Variants in GABRA6 observed in about 807,000 individuals in gnomAD.
GABRA6 encodes the protein gamma-aminobutyric acid receptor subunit alpha-6.
GABRA6 carries 45 observed loss-of-function variants against 47.3 expected under a neutral mutation model. That is an observed-to-expected ratio of 0.95 (90% CI 0.75 to 1.22). GABRA6 has a LOEUF of 1.22. Among genes scored for constraint, GABRA6 ranks in the 50% most tolerant of loss-of-function variants. The pLI is 0.00. For missense variants in GABRA6, 583 were observed against 549.3 expected (o/e 1.06, Z -0.61); for synonymous variants, 219 against 194.7 (o/e 1.12, Z -1.04).
At position 161,686,327 on chromosome 5, in the gene GABRA6, C is replaced by T. The variant is rs373363000; in HGVS notation, c.136C>T (p.Arg46Trp). The T allele has an allele frequency of 1.2e-4, 186 of 1,613,610 alleles. No homozygotes were observed. Among genetic ancestry groups the T allele is most frequent in the East Asian group, 1.1e-3 (49 of 44,862 alleles). ...LDNLLEGYDNRLRPGFGGAVT... is the reference protein window; with the variant it reads ...LDNLLEGYDNWLRPGFGGAVT... The stretch of plus-strand genomic sequence containing the variant: ...CAACTTGCTTGAAGGCTATGACAAT[C>T]GGCTGCGGCCGGGATTTGGAGGTAA... The change falls in exon 2 of 9, where the codon CGG becomes TGG. Residue 46 changes from arginine to tryptophan, a missense_variant. Transcript: ENST00000274545.
In GABRA6 at chr5:161,701,587, G is replaced by A. The variant is rs746727494; in HGVS notation, c.1176G>A (p.Thr392=). The A allele has an allele frequency of 4.3e-6, 7 of 1,614,074 alleles. No individual in the cohort carries two copies. Among genetic ancestry groups the A allele is most frequent in the Non-Finnish European group, 5.1e-6 (6 of 1,180,020 alleles). Residue 392 remains threonine (T), a synonymous_variant, in exon 9 of 9, where the codon ACG becomes ACA. Transcript: ENST00000274545. ...VSSSEANKVL[T]RAPILQSTPV... is the part of the protein sequence containing the mutation. ...CTTCCGAGGCCAATAAAGTGCTCAC[G>A]AGAGCGCCCATCTTACAATCAACAC...
In GABRA6 at chr5:161,692,207, G is replaced by A; in HGVS notation, c.1086+7G>A. On this transcript the variant is annotated splice_region_variant and intron_variant, in intron 8 of 8. Transcript: ENST00000274545. The stretch of plus-strand genomic sequence containing the variant: ...GGAAGCTGAGATTGTTTTGGTAATT[G>A]TTTACTTTTTCTATCATTACCTACC... 1 of 1,614,122 alleles carries A rather than the reference G, an allele frequency of 6.2e-7. No individual in the cohort carries two copies. The highest frequency in any genetic ancestry group is 8.5e-7 in the Non-Finnish European group (1 of 1,179,996).
At chr5:161,693,752 A>T (rs1049318055) in intron 8 of GABRA6, among the ~76,000 whole-genome samples, 2 of 152,176 alleles carry the variant, frequency 1.3e-5, no homozygotes, top group Non-Finnish European at 2.9e-5. Flanking sequence ...CAGGATTTTG[A>T]AGTTACAGTG....
chr5:161,690,763 A>AT (rs1754775916), intron 7 of GABRA6, among the ~76,000 whole-genome samples: 2 of 152,154 alleles, frequency 1.3e-5, no homozygotes, highest in Non-Finnish European at 2.9e-5. Context: ...CATTTCGTCA[A>AT]TTTTTTATGA....
chr5:161,701,578 A>G lies in GABRA6; in HGVS notation c.1167A>G (p.Lys389=). ...LPIVSSSEAN[K]VLTRAPILQS... ...TAGTTTCATCTTCCGAGGCCAATAAAGTGCTCACGAGAGCGCCCATCTTAC... is the reference window on the plus strand; with the variant it reads ...TAGTTTCATCTTCCGAGGCCAATAAGGTGCTCACGAGAGCGCCCATCTTAC... The change falls in exon 9 of 9, where the codon AAA becomes AAG. Residue 389 remains lysine, a synonymous_variant. Coordinates refer to ENST00000274545, the MANE Select transcript of GABRA6 (RefSeq NM_000811.3). The G allele has an allele frequency of 6.2e-7, 1 of 1,614,164 alleles. No individual in the cohort carries two copies. The highest frequency in any genetic ancestry group is 1.1e-5 in the South Asian group (1 of 91,082).
rs756131944 is a variant in GABRA6, at chr5:161,702,431, T to G, written c.*658T>G. Reference sequence around the variant, plus strand: ...TTGGACTAAAATTCAGTGTGTTTTATCCTACTAAATTCTCCTTTTAAAATA... The same window carrying G: ...TTGGACTAAAATTCAGTGTGTTTTAGCCTACTAAATTCTCCTTTTAAAATA... On this transcript the variant is annotated 3_prime_UTR_variant, in exon 9 of 9. Transcript: ENST00000274545. 1 of 152,334 alleles carries G rather than the reference T, an allele frequency of 6.6e-6. No homozygotes were observed. The allele number at this position is 152,334 out of a possible 1,614,324, so 9.4% of individuals were successfully genotyped here.
chr5:161,696,852 C>G (rs529891865), intron 8 of GABRA6, among the ~76,000 whole-genome samples: 3 of 152,106 alleles, frequency 2.0e-5, no homozygotes, highest in Admixed American at 6.6e-5. Flanking sequence ...AAAATATTTT[C>G]TCTCATCTGT....
chr5:161,700,857 A>G (rs1754966655), intron 8 of GABRA6, among the ~76,000 whole-genome samples: 1 of 152,224 alleles, frequency 6.6e-6, no homozygotes, highest in Non-Finnish European at 1.5e-5. Flanking sequence ...CTGAGCTAAG[A>G]GGCAGCTATA....
At chr5:161,698,374 G>A (rs1253269503) in intron 8 of GABRA6, among the ~76,000 whole-genome samples, 2 of 152,148 alleles carry the variant, frequency 1.3e-5, no homozygotes, top group African/African-American at 4.8e-5. Flanking sequence ...GGTAGCAAAA[G>A]ATATGAGGGA....
At position 161,692,133 on chromosome 5, in the gene GABRA6, A is replaced by C. The variant is rs766023505; in HGVS notation, c.1019A>C (p.Gln340Pro). 1 of 1,614,204 alleles carries C rather than the reference A, an allele frequency of 6.2e-7. No homozygotes were observed. Among genetic ancestry groups the C allele is most frequent in the South Asian group, 1.1e-5 (1 of 91,086 alleles). The change falls in exon 8 of 9, where the codon CAG becomes CCG. Residue 340 changes from glutamine (Q) to proline (P), a missense_variant. Gln to Pro is a moderately conservative substitution (Grantham distance 76). Transcript: ENST00000274545. Reference sequence around the variant, plus strand: ...ACACAGAAGGCCAAAAGGAAGGCACAGTTTGCAGCCCCACCCACAGTGACA... The same window carrying C: ...ACACAGAAGGCCAAAAGGAAGGCACCGTTTGCAGCCCCACCCACAGTGACA... ...LQTQKAKRKA[Q>P]FAAPPTVTIS...
chr5:161,696,492 G>A (rs1754888726), intron 8 of GABRA6, among the ~76,000 whole-genome samples: 2 of 151,834 alleles, frequency 1.3e-5, no homozygotes, highest in South Asian at 4.1e-4. Context: ...AGATCACAGT[G>A]CCCTTCTTGG....
chr5:161,701,956 A>G lies in GABRA6; in HGVS notation c.*183A>G. On this transcript the variant is annotated 3_prime_UTR_variant, in exon 9 of 9. Coordinates refer to ENST00000274545, the MANE Select transcript of GABRA6 (RefSeq NM_000811.3). ...GCAATAATCCTACTCCTCAAAATAG[A>G]AAGTTGAAGATTGCTGAAAAATATG... The G allele has an allele frequency of 3.2e-6, 2 of 632,420 alleles. No homozygotes were observed. The highest frequency in any genetic ancestry group is 5.4e-6 in the Non-Finnish European group (2 of 368,210). The allele number at this position is 632,420 out of a possible 1,614,324, so 39.2% of individuals were successfully genotyped here.
In GABRA6 at chr5:161,692,074, G is replaced by T; in HGVS notation, c.960G>T (p.Glu320Asp). The T allele has an allele frequency of 1.2e-6, 2 of 1,614,140 alleles. No homozygotes were observed. Among genetic ancestry groups the T allele is most frequent in the Non-Finnish European group, 1.7e-6 (2 of 1,180,018 alleles). Residue 320 changes from glutamate to aspartate, a missense_variant, in exon 8 of 9, where the codon GAG becomes GAT. Transcript: ENST00000274545. Reference protein sequence around the residue: ...CFAFVFSALIEFAAVNYFTNL... With the variant: ...CFAFVFSALIDFAAVNYFTNL... ...CATTCGTCTTCTCTGCGCTTATCGA[G>T]TTCGCAGCTGTCAACTACTTTACCA...
chr5:161,686,858 G>A (rs1488504607), intron 2 of GABRA6, 78 bp from the exon 3 acceptor site: 1 of 1,222,656 alleles, frequency 8.2e-7, no homozygotes, highest in Non-Finnish European at 1.2e-6. Flanking sequence ...TAAGTAAGGG[G>A]TTTGGTGGTA....
chr5:161,686,887 C>T, intron 2 of GABRA6, 49 bp from the exon 3 acceptor site: 1 of 1,509,520 alleles, frequency 6.6e-7, no homozygotes, highest in Middle Eastern at 1.7e-4. Flanking sequence ...AGATCAATCC[C>T]CTTAACATCA....
chr5:161,690,045 T>G, intron 6 of GABRA6, 156 bp from the exon 7 acceptor site: 1 of 744,084 alleles, frequency 1.3e-6, no homozygotes, highest in Non-Finnish European at 2.3e-6. Flanking sequence ...CGCTCTATCA[T>G]CTGCTGATCA....
At chr5:161,690,376 C>T (rs1754771434) in intron 7 of GABRA6, 23 bp downstream of exon 7, 3 of 1,604,564 alleles carry the variant, frequency 1.9e-6, no homozygotes, top group Non-Finnish European at 2.6e-6. Context: ...TTTTGTACTT[C>T]ACGTACATTC....
intron 6 of GABRA6, 116 bp downstream of exon 6, chr5:161,689,895 T>G (rs1005723214): frequency 1.2e-4 from 138 of 1,144,304 alleles, no homozygotes; most frequent in Non-Finnish European, 1.8e-4. Flanking sequence ...CATGCTGTTT[T>G]GCAGTGATGA....
At chr5:161,692,246 G>A in intron 8 of GABRA6, 46 bp downstream of exon 8, 1 of 1,611,512 alleles carries the variant, frequency 6.2e-7, no homozygotes, top group Non-Finnish European at 8.5e-7. Flanking sequence ...GGAAAAAGCA[G>A]CCTAAATAGT....
Sources: gnomAD v4.1 joint callset for allele counts (sites outside exome capture counted in the v4.1 genomes callset) on GRCh38, gnomAD v4.1.1 for gene constraint, MANE v1.5 for transcripts, NCBI Gene and HGNC (gene_info 2026-07-23, HGNC 2026-07-21) for gene names.